The following ANXA2R variants were observed in gnomAD, a reference collection of about 807,000 sequenced individuals.
ANXA2R encodes the protein annexin A2 receptor.
For synonymous variants in ANXA2R, 93 were observed against 93.6 expected (o/e 0.99, Z 0.04); for missense variants, 244 against 241.5 (o/e 1.01, Z -0.07).
chr5:43,042,504 G>T (rs1161090480), upstream of ANXA2R: 1 of 152,832 alleles, frequency 6.5e-6, no homozygotes, highest in Non-Finnish European at 1.5e-5. The surrounding 1 kb of genome is among the most constrained non-coding windows in gnomAD (Gnocchi z 5.6). Context: ...TGCAGCAAGT[G>T]CTGTGACAGC....
chr5:43,040,381 G>A (rs1742172398), upstream of ANXA2R: 1 of 222,832 alleles, frequency 4.5e-6, no homozygotes, highest in Admixed American at 5.3e-5. Context: ...ACCCGTTTCC[G>A]GGAAATGAGC....
chr5:43,040,178 C>G lies in ANXA2R; in HGVS notation c.-132G>C, dbSNP rs1742166783. 1 of 723,386 alleles carries G rather than the reference C, an allele frequency of 1.4e-6. No homozygotes were observed. Among genetic ancestry groups the G allele is most frequent in the East Asian group, 2.8e-5 (1 of 36,228 alleles). 44.8% of individuals were successfully genotyped at this position (723,386 alleles called of 1,614,324 possible). ...CAGATATTAAGAAACTCAGTAGTAACAAATGCACGAAAATTAGTAGACAAA... is the reference window on the plus strand; with the variant it reads ...CAGATATTAAGAAACTCAGTAGTAAGAAATGCACGAAAATTAGTAGACAAA... On this transcript the variant is annotated 5_prime_UTR_variant, in exon 1 of 1. Transcript: ENST00000616064.
chr5:43,042,453 C>T (rs1028336979), upstream of ANXA2R: 5 of 152,930 alleles, frequency 3.3e-5, no homozygotes, highest in African/African-American at 7.2e-5. This position sits in a 1 kb window ranked among gnomAD's most constrained non-coding sequence, Gnocchi z 5.6. Flanking sequence ...AAACCGTCGA[C>T]TCTGAGAAAA....
chr5:43,039,656 C>T lies in ANXA2R; in HGVS notation c.391G>A (p.Asp131Asn), dbSNP rs1159282513. 39 of 1,613,242 alleles carry T rather than the reference C, an allele frequency of 2.4e-5. No homozygotes were observed. The highest frequency in any genetic ancestry group is 3.3e-5 in the Admixed American group (2 of 59,956). The change falls in exon 1 of 1, where the codon GAC becomes AAC. Residue 131 changes from aspartate (D) to asparagine (N), a missense_variant. Coordinates refer to ENST00000616064, the MANE Select transcript of ANXA2R (RefSeq NM_001014279.3). ...CAGACCTCGGTGTCCTGCTGTCTGT[C>T]CCAGGGATGGAGAGGACTGCTCCAG... ...LPWSSPLHPW[D>N]RQQDTEVCDS... is the part of the protein sequence containing the mutation.
Position 43,040,154 on chromosome 5 carries a change from A to C in ANXA2R, c.-108T>G. On this transcript the variant is annotated 5_prime_UTR_variant, in exon 1 of 1. Transcript: ENST00000616064. ...CAGAGCCCGTGGGCGGAGGCCAGTC[A>C]GATATTAAGAAACTCAGTAGTAACA... 9.9e-7 allele frequency: 1 copy of C among 1,006,986 alleles called. No homozygotes were observed. The highest frequency in any genetic ancestry group is 1.4e-6 in the Non-Finnish European group (1 of 693,862). 62.4% of individuals were successfully genotyped at this position (1,006,986 alleles called of 1,614,324 possible).
upstream of ANXA2R, chr5:43,041,581 T>C (rs1742195535): frequency 1.3e-5 from 2 of 151,194 alleles, no homozygotes; most frequent in East Asian, 1.9e-4. Flanking sequence ...CAGGACTCGA[T>C]ATTGCGAAAC....
chr5:43,039,750 C>G lies in ANXA2R; in HGVS notation c.297G>C (p.Gln99His). The G allele has an allele frequency of 6.2e-7, 1 of 1,614,224 alleles. No individual in the cohort carries two copies. Among genetic ancestry groups the G allele is most frequent in the Non-Finnish European group, 8.5e-7 (1 of 1,180,046 alleles). Residue 99 changes from glutamine to histidine, a missense_variant, in exon 1 of 1, where the codon CAG (glutamine) becomes CAC (histidine). Physicochemically the swap from Gln to His is conservative, Grantham distance 24. Transcript: ENST00000616064. ...CCACCTCTTCTACGGGTGCCTCTTGCTGCTTCTGTGTCCCCGGCCAACTGA... is the reference window on the plus strand; with the variant it reads ...CCACCTCTTCTACGGGTGCCTCTTGGTGCTTCTGTGTCCCCGGCCAACTGA... ...TEFSWPGTQK[Q>H]QEAPVEEVGQ...
chr5:43,040,003 G>C lies in ANXA2R; in HGVS notation c.44C>G (p.Ser15Cys), dbSNP rs1044178327. ...FLGCVKRAWDSAEVAPEPQPP... is the reference protein window; with the variant it reads ...FLGCVKRAWDCAEVAPEPQPP... ...CTGGGGCTCTGGCGCCACCTCTGCG[G>C]AATCCCAAGCCCGCTTCACACAGCC... The change falls in exon 1 of 1, where the codon TCC (serine) becomes TGC (cysteine). Residue 15 changes from serine to cysteine, a missense_variant. By Grantham distance (112) the Ser-to-Cys change is moderately radical (BLOSUM62 -1). Coordinates refer to ENST00000616064, the MANE Select transcript of ANXA2R (RefSeq NM_001014279.3). 4.3e-6 allele frequency: 7 copies of C among 1,613,016 alleles called. No homozygotes were observed. Among genetic ancestry groups the C allele is most frequent in the Non-Finnish European group, 5.9e-6 (7 of 1,179,762 alleles).
Position 43,039,792 on chromosome 5 carries a change from T to A in ANXA2R, c.255A>T (p.Thr85=). The A allele has an allele frequency of 6.2e-7, 1 of 1,614,218 alleles. No individual in the cohort carries two copies. Among genetic ancestry groups the A allele is most frequent in the Non-Finnish European group, 8.5e-7 (1 of 1,180,038 alleles). The stretch of plus-strand genomic sequence containing the variant: ...GCCAACTGAACTCAGTGGGCTTCGC[T>A]GTACTTGGTTCCAAGGTGCTCTGGA... ...PGVQSTLEPS[T]AKPTEFSWPG... is the part of the protein sequence containing the mutation. The change falls in exon 1 of 1, where the codon ACA becomes ACT. Residue 85 remains threonine (T), a synonymous_variant. Coordinates refer to ENST00000616064, the MANE Select transcript of ANXA2R (RefSeq NM_001014279.3).
upstream of ANXA2R, chr5:43,040,962 T>C (rs1742183923): frequency 6.6e-6 from 1 of 152,132 alleles, no homozygotes; most frequent in African/African-American, 2.4e-5. Flanking sequence ...CTGGCAAACG[T>C]GCTGATACAA....
At chr5:43,041,530 A>C (rs892721668), upstream of ANXA2R, 2 of 152,050 alleles carry the variant, frequency 1.3e-5, no homozygotes, top group Admixed American at 1.3e-4. Flanking sequence ...GCATTTCCTG[A>C]CTTCCACGGG....
At chr5:43,040,789 G>A (rs1168717405), upstream of ANXA2R, 1 of 152,148 alleles carries the variant, frequency 6.6e-6, no homozygotes, top group Non-Finnish European at 1.5e-5. Context: ...ACAGCGGCTC[G>A]GTGCAATCAC....
rs1012539314 is a variant in ANXA2R, at chr5:43,040,156, A to C, written c.-110T>G. 11 of 986,614 alleles carry C rather than the reference A, an allele frequency of 1.1e-5. No individual in the cohort carries two copies. In the African/African-American group the frequency reaches 1.6e-4, roughly 15 times the overall value. 61.1% of individuals were successfully genotyped at this position (986,614 alleles called of 1,614,324 possible). ...GAGCCCGTGGGCGGAGGCCAGTCAG[A>C]TATTAAGAAACTCAGTAGTAACAAA... On this transcript the variant is annotated 5_prime_UTR_variant, in exon 1 of 1. Coordinates refer to ENST00000616064, the MANE Select transcript of ANXA2R (RefSeq NM_001014279.3).
At position 43,040,220 on chromosome 5, in the gene ANXA2R, T is replaced by C. The variant is rs1441698785; in HGVS notation, c.-174A>G. ...GTAGACAAATGAAAAACGATAACATTTTAGAGAGTACATAGAACCAAAACG... is the reference window on the plus strand; with the variant it reads ...GTAGACAAATGAAAAACGATAACATCTTAGAGAGTACATAGAACCAAAACG... On this transcript the variant is annotated 5_prime_UTR_variant, in exon 1 of 1. Transcript: ENST00000616064. 5.0e-6 allele frequency: 3 copies of C among 605,254 alleles called. No individual in the cohort carries two copies. The highest frequency in any genetic ancestry group is 8.7e-6 in the Non-Finnish European group (3 of 345,658). The allele number at this position is 605,254 out of a possible 1,614,324, so 37.5% of individuals were successfully genotyped here.
At chr5:43,040,864 A>G (rs541677293), upstream of ANXA2R, 29 of 152,302 alleles carry the variant, frequency 1.9e-4, 1 homozygote, top group African/African-American at 7.0e-4. Flanking sequence ...TAGGAGCGAA[A>G]AAGTGACAGC....
At position 43,039,851 on chromosome 5, in the gene ANXA2R, C is replaced by A; in HGVS notation, c.196G>T (p.Gly66Ter). ...GAGAGTCCGTTTTGCCAGTAGACTC[C>A]GGGCAGCCGCCAGCAAGGGCTGGAA... Residue 66 changes from glycine to a stop codon, truncating the protein, a stop_gained, in exon 2 of 2, where the codon GGA becomes TGA. Coordinates refer to the ANXA2R transcript ENST00000314890. LOFTEE classifies it low-confidence loss of function (END_TRUNC). 6.2e-7 allele frequency: 1 copy of A among 1,614,200 alleles called. No individual in the cohort carries two copies. The highest frequency in any genetic ancestry group is 1.1e-5 in the South Asian group (1 of 91,088).
chr5:43,039,750 C>T lies in ANXA2R; in HGVS notation c.297G>A (p.Gln99=), dbSNP rs1327344367. The T allele has an allele frequency of 6.2e-7, 1 of 1,614,224 alleles. No individual in the cohort carries two copies. The highest frequency in any genetic ancestry group is 1.1e-5 in the South Asian group (1 of 91,084). ...CCACCTCTTCTACGGGTGCCTCTTG[C>T]TGCTTCTGTGTCCCCGGCCAACTGA... is the stretch of plus-strand genomic sequence containing the variant. The part of the protein sequence containing the change: ...TEFSWPGTQK[Q]QEAPVEEVGQ... The change falls in exon 1 of 1, where the codon CAG becomes CAA. Residue 99 remains glutamine (Q), a synonymous_variant. Coordinates refer to ENST00000616064, the MANE Select transcript of ANXA2R (RefSeq NM_001014279.3).
Position 43,040,151 on chromosome 5 carries a change from G to C in ANXA2R, c.-105C>G, listed in dbSNP as rs952569031. 12 of 1,060,240 alleles carry C rather than the reference G, an allele frequency of 1.1e-5. No homozygotes were observed. The African/African-American group carries it at 1.9e-4, about 17-fold the overall frequency. The allele number at this position is 1,060,240 out of a possible 1,614,324, so 65.7% of individuals were successfully genotyped here. A position where few individuals can be genotyped will look rare whatever the true frequency, so the allele number is the denominator to read the frequency against. On this transcript the variant is annotated 5_prime_UTR_variant, in exon 1 of 1. Coordinates refer to ENST00000616064, the MANE Select transcript of ANXA2R (RefSeq NM_001014279.3). ...CTGCAGAGCCCGTGGGCGGAGGCCA[G>C]TCAGATATTAAGAAACTCAGTAGTA...
At position 43,040,222 on chromosome 5, in the gene ANXA2R, TAGAG is replaced by T. The variant is rs1742168740; in HGVS notation, c.-180_-177del. The stretch of plus-strand genomic sequence containing the variant: ...AGACAAATGAAAAACGATAACATTT[TAGAG>T]AGTACATAGAACCAAAACGAACCGT... On this transcript the variant is annotated 5_prime_UTR_variant, in exon 1 of 1. An upstream open reading frame in the 5' UTR gains an earlier in-frame stop. Coordinates refer to ENST00000616064, the MANE Select transcript of ANXA2R (RefSeq NM_001014279.3). The T allele has an allele frequency of 1.7e-6, 1 of 604,234 alleles. No individual in the cohort carries two copies. The highest frequency in any genetic ancestry group is 2.4e-5 in the South Asian group (1 of 41,052). 37.4% of individuals were successfully genotyped at this position (604,234 alleles called of 1,614,324 possible).
Sources: allele counts gnomAD v4.1 joint callset, GRCh38; gene constraint gnomAD v4.1.1; non-coding constraint Gnocchi (gnomAD v3.1); transcripts MANE v1.5; gene names NCBI Gene and HGNC (gene_info 2026-07-23, HGNC 2026-07-21).